Variants in PFKP observed in about 807,000 individuals in gnomAD.
The protein encoded by PFKP is phosphofructokinase, platelet.
PFKP carries 101 observed loss-of-function variants against 94.3 expected under a neutral mutation model. The ratio of observed to expected loss-of-function variants is 1.07; its 90% CI spans 0.91 to 1.26. The LOEUF (loss-of-function observed/expected upper bound fraction) is 1.26. Among genes scored for constraint, PFKP ranks in the 50% most tolerant of loss-of-function variants. The pLI is 0.00. For synonymous variants in PFKP, 573 were observed against 432.6 expected, an observed-to-expected ratio of 1.32 and a Z score of -4.03; for missense variants, 1,145 against 1,103.3, an observed-to-expected ratio of 1.04 and a Z score of -0.53.
chr10:3,100,069 GTGT>G (rs201159491), intron 3 of PFKP, among the ~76,000 whole-genome samples: 10,165 of 150,904 alleles, frequency 0.067, 786 homozygotes, highest in African/African-American at 0.19. Flanking sequence ...GTGTGTGTGT[GTGT>G]GTGTGTGTGT....
Position 3,082,003 on chromosome 10 carries a change from T to G in PFKP, c.113-385T>G, listed in dbSNP as rs1218422369. Among the ~76,000 whole-genome samples, 203 of 81,966 alleles carry G rather than the reference T, an allele frequency of 2.5e-3. 2 individuals carry two copies. The highest frequency in any genetic ancestry group is 7.9e-3 in the African/African-American group (185 of 23,364). The allele number at this position is 81,966 out of a possible 152,430, so 53.8% of individuals were successfully genotyped here. A position where few individuals can be genotyped will look rare whatever the true frequency, so the allele number is the denominator to read the frequency against. ...TTTTTTTTTTTTTTTTTTTTTTTTT[T>G]TTTTTTACAGTGGTAGTTGGTGATG... On this transcript the variant is annotated intron_variant, in intron 1 of 21. Transcript: ENST00000381125.
chr10:3,089,868 C>T (rs1358245534), intron 2 of PFKP, among the ~76,000 whole-genome samples: 2 of 152,026 alleles, frequency 1.3e-5, no homozygotes, highest in African/African-American at 4.8e-5. Flanking sequence ...TACACCCCTG[C>T]TTCCTTCTAC....
Position 3,119,926 on chromosome 10 carries a change from G to A in PFKP, c.1565G>A (p.Arg522Gln), listed in dbSNP as rs140443512. Residue 522 changes from arginine to glutamine, a missense_variant, in exon 16 of 22, where the codon CGG (arginine) becomes CAG (glutamine). Physicochemically the swap from Arg to Gln is conservative, Grantham distance 43. Around this residue, in one of 3 missense-constraint regions of PFKP, gnomAD observed 1,119 missense variants for 1,062.8 expected, o/e 1.05. Coordinates refer to ENST00000381125, the MANE Select transcript of PFKP (RefSeq NM_002627.5). The part of the protein sequence containing the change: ...YLGLLELSAA[R>Q]EKHEEFCVPM... ...GGACTCCTGGAGCTGTCAGCCGCCC[G>A]GGAGAAGCACGAGGAGTTCTGTGTC... 45 of 1,613,990 alleles carry A rather than the reference G, an allele frequency of 2.8e-5. No individual in the cohort carries two copies. Among genetic ancestry groups the A allele is most frequent in the Admixed American group, 1.5e-4 (9 of 60,002 alleles).
intron 16 of PFKP, among the ~76,000 whole-genome samples, chr10:3,128,625 T>A (rs1768344354): frequency 6.6e-6 from 1 of 152,236 alleles, no homozygotes; most frequent in Non-Finnish European, 1.5e-5. Flanking sequence ...CTTGTACGCC[T>A]TGTTCCCTGG....
intron 16 of PFKP, among the ~76,000 whole-genome samples, chr10:3,120,561 C>T (rs1397450000): frequency 6.6e-6 from 1 of 152,186 alleles, no homozygotes; most frequent in Non-Finnish European, 1.5e-5. Context: ...ACCTCATTTT[C>T]CCCTTTGTAA....
chr10:3,085,912 A>T (rs12571307), intron 2 of PFKP, among the ~76,000 whole-genome samples: 2 of 148,294 alleles, frequency 1.3e-5, no homozygotes, highest in Non-Finnish European at 3.0e-5. Context: ...CCTGACGAAG[A>T]CCAGCTTAGT....
chr10:3,136,205 C>A (rs1299577176), intron 21 of PFKP, among the ~76,000 whole-genome samples: 1 of 152,162 alleles, frequency 6.6e-6, no homozygotes, highest in Non-Finnish European at 1.5e-5. Context: ...GCAGAGGTTG[C>A]AGTGAGCTGA....
intron 2 of PFKP, among the ~76,000 whole-genome samples, chr10:3,083,739 T>C (rs940880666): frequency 2.6e-5 from 4 of 152,324 alleles, no homozygotes; most frequent in Admixed American, 2.6e-4. Flanking sequence ...GCCTCCCAGA[T>C]TCAAATGATT....
At chr10:3,128,224 G>T (rs1838168043) in intron 16 of PFKP, among the ~76,000 whole-genome samples, 1 of 152,244 alleles carries the variant, frequency 6.6e-6, no homozygotes. Context: ...CCAGCCCACA[G>T]TTCCTGTCCT....
At chr10:3,103,691 C>A in intron 4 of PFKP, 88 bp from the exon 5 acceptor site, 1 of 1,275,222 alleles carries the variant, frequency 7.8e-7, no homozygotes, top group South Asian at 1.3e-5. Flanking sequence ...TTTCTCTACC[C>A]ATGGCCATTC....
chr10:3,122,824 G>A (rs1226286059), intron 16 of PFKP, among the ~76,000 whole-genome samples: 1 of 152,198 alleles, frequency 6.6e-6, no homozygotes, highest in Non-Finnish European at 1.5e-5. Flanking sequence ...GGGGATGTTT[G>A]CAACGTCCAG....
intron 4 of PFKP, among the ~76,000 whole-genome samples, chr10:3,103,275 A>G (rs1183232740): frequency 6.6e-6 from 1 of 152,198 alleles, no homozygotes; most frequent in Admixed American, 6.5e-5. Context: ...GACAGAGTCC[A>G]TTGTGTGTAA....
At chr10:3,118,096 C>T (rs1837012471) in intron 14 of PFKP, among the ~76,000 whole-genome samples, 3 of 152,116 alleles carry the variant, frequency 2.0e-5, no homozygotes, top group South Asian at 4.1e-4. Flanking sequence ...GGAGGGAGAG[C>T]AGGTATGAGC....
intron 8 of PFKP, among the ~76,000 whole-genome samples, chr10:3,108,201 A>G (rs1653739535): frequency 6.6e-6 from 1 of 152,200 alleles, no homozygotes; most frequent in South Asian, 2.1e-4. Context: ...CACTGTCCTT[A>G]CAGAGGAATA....
intron 21 of PFKP, among the ~76,000 whole-genome samples, 175 bp from the exon 22 acceptor site, chr10:3,136,275 G>A (rs1839319315): frequency 6.6e-6 from 1 of 152,114 alleles, no homozygotes; most frequent in Non-Finnish European, 1.5e-5. Flanking sequence ...GGGTCTTCGG[G>A]AATAATTTTA....
chr10:3,124,618 C>T (rs1198719881), intron 16 of PFKP, among the ~76,000 whole-genome samples: 2 of 152,220 alleles, frequency 1.3e-5, no homozygotes, highest in Admixed American at 6.5e-5. Flanking sequence ...TGCACCTGGG[C>T]GCCGCCTCTG....
At chr10:3,126,022 C>T (rs942850088) in intron 16 of PFKP, among the ~76,000 whole-genome samples, 8 of 152,320 alleles carry the variant, frequency 5.3e-5, no homozygotes, top group Non-Finnish European at 1.0e-4. Context: ...GCATCGCGTG[C>T]GGGGACAGCA....
At chr10:3,130,074 C>CG in intron 17 of PFKP, 91 bp downstream of exon 17, 1 of 1,218,392 alleles carries the variant, frequency 8.2e-7, no homozygotes, top group Non-Finnish European at 1.1e-6. Flanking sequence ...GTTTGCTTTC[C>CG]AAGGGGCATG....
chr10:3,135,622 G>GC, intron 20 of PFKP, 114 bp from the exon 21 acceptor site: 2 of 656,104 alleles, frequency 3.0e-6, no homozygotes, highest in Admixed American at 5.4e-5. Flanking sequence ...GGGCTTCCAG[G>GC]CCGGGTTCAG....
Sources: gnomAD v4.1 joint callset for allele counts (sites outside exome capture counted in the v4.1 genomes callset) on GRCh38, gnomAD v4.1.1 for gene constraint, gnomAD v4.1.1 regional missense constraint, MANE v1.5 for transcripts, NCBI Gene and HGNC (gene_info 2026-07-23, HGNC 2026-07-21) for gene names.